DAPK2: variants seen among roughly 807,000 people sequenced by gnomAD.
DAPK2 encodes death associated protein kinase 2, also known as death-associated protein kinase 2.
In DAPK2, 35 loss-of-function variants were observed where a neutral mutation model predicts 44.1. The ratio of observed to expected loss-of-function variants is 0.79; its 90% CI spans 0.61 to 1.05. DAPK2 has a LOEUF of 1.05. DAPK2 is among the 50% of genes least tolerant of loss of function. The pLI is 0.00. For synonymous variants in DAPK2, 174 were observed against 182.6 expected, an observed-to-expected ratio of 0.95 and a Z score of 0.38; for missense variants, 453 against 483.2, an observed-to-expected ratio of 0.94 and a Z score of 0.59.
intron 1 of DAPK2, among the ~76,000 whole-genome samples, chr15:63,984,617 T>C (rs1390191659): frequency 6.6e-6 from 1 of 152,182 alleles, no homozygotes; most frequent in Non-Finnish European, 1.5e-5. Context: ...CCAGTGACCA[T>C]CTTGCCCGGG....
chr15:63,949,117 T>C (rs1212459524), intron 3 of DAPK2, among the ~76,000 whole-genome samples: 1 of 152,030 alleles, frequency 6.6e-6, no homozygotes, highest in Non-Finnish European at 1.5e-5. Flanking sequence ...CAGCTCCATG[T>C]TTTTCCCAGA....
chr15:63,920,312 G>A (rs1409081839), intron 8 of DAPK2: 3 of 152,196 alleles, frequency 2.0e-5, no homozygotes, highest in East Asian at 3.9e-4. Flanking sequence ...CTGTTCTCAG[G>A]GAAGGATTTT....
At chr15:63,970,741 G>A (rs1019876060) in intron 3 of DAPK2, among the ~76,000 whole-genome samples, 4 of 152,216 alleles carry the variant, frequency 2.6e-5, no homozygotes, top group Admixed American at 6.5e-5. Context: ...TTAAGTATCT[G>A]TATAGGCTCA....
At chr15:64,016,289 A>T (rs2079524380) in intron 1 of DAPK2, among the ~76,000 whole-genome samples, 2 of 152,222 alleles carry the variant, frequency 1.3e-5, no homozygotes. Context: ...AGTAACTGGC[A>T]CTATCCTTCT....
At chr15:63,973,236 C>T (rs1463966590) in intron 2 of DAPK2, among the ~76,000 whole-genome samples, 1 of 152,204 alleles carries the variant, frequency 6.6e-6, no homozygotes, top group Admixed American at 6.5e-5. Flanking sequence ...GGGTGTGTGG[C>T]TGCTTTCACC....
chr15:63,927,847 C>T (rs12907405), intron 6 of DAPK2, among the ~76,000 whole-genome samples: 66,443 of 151,742 alleles, frequency 0.44, 16,859 homozygotes, highest in East Asian at 0.93. Context: ...GATCCTCCAG[C>T]GATCCTCCTG....
intron 1 of DAPK2, among the ~76,000 whole-genome samples, chr15:64,006,709 G>A (rs368466271): frequency 5.9e-5 from 9 of 152,136 alleles, no homozygotes; most frequent in East Asian, 1.9e-4. Context: ...CTATTCTCCC[G>A]GGCAGTGACA....
chr15:63,990,834 A>T lies in DAPK2; in HGVS notation c.93-7080T>A, dbSNP rs905315247. On this transcript the variant is annotated intron_variant, in intron 1 of 10. Coordinates refer to ENST00000261891, the Ensembl canonical transcript of DAPK2. The surrounding 1 kb of genome is among the most constrained non-coding windows in gnomAD (Gnocchi z 4.3). ...GCCAATGTGTCTCAAAGGCAGGAGC[A>T]GCTCAAAGCTGTAGTCCACAAGAAC... is the stretch of plus-strand genomic sequence containing the variant. 1.1e-4 allele frequency among the ~76,000 whole-genome samples: 17 copies of T among 152,220 alleles called. No individual in the cohort carries two copies. The highest frequency in any genetic ancestry group is 3.9e-4 in the African/African-American group (16 of 41,448).
In DAPK2 at chr15:63,982,962, C is replaced by T. The variant is rs147975474; in HGVS notation, c.314+571G>A. Among the ~76,000 whole-genome samples, 836 of 152,328 alleles carry T rather than the reference C, an allele frequency of 5.5e-3. 10 individuals are homozygous for T. The highest frequency in any genetic ancestry group is 0.019 in the African/African-American group (784 of 41,564). On this transcript the variant is annotated intron_variant, in intron 2 of 10. Coordinates refer to ENST00000261891, the Ensembl canonical transcript of DAPK2. ...CACAGTCTTTAAAGATTGAACAAGA[C>T]GACAGATAGAAAGCGCCTAGCAAAT...
intron 1 of DAPK2, among the ~76,000 whole-genome samples, chr15:64,012,233 C>T (rs553290664): frequency 5.4e-4 from 82 of 152,304 alleles, no homozygotes; most frequent in African/African-American, 1.8e-3. Flanking sequence ...GACCATACTG[C>T]GGGATGGGAG....
chr15:64,015,644 G>C (rs944333551), intron 1 of DAPK2, among the ~76,000 whole-genome samples: 3 of 152,204 alleles, frequency 2.0e-5, no homozygotes, highest in African/African-American at 7.2e-5. Flanking sequence ...GATCATTCTG[G>C]ATTACCTGAG....
chr15:63,987,041 T>C (rs1338213290), intron 1 of DAPK2, among the ~76,000 whole-genome samples: 1 of 152,240 alleles, frequency 6.6e-6, no homozygotes, highest in Non-Finnish European at 1.5e-5. Context: ...AGCATGATTT[T>C]TGCTTGAGGG....
chr15:63,976,335 G>A (rs1380932034), intron 2 of DAPK2, among the ~76,000 whole-genome samples: 1 of 152,178 alleles, frequency 6.6e-6, no homozygotes, highest in African/African-American at 2.4e-5. Flanking sequence ...TTTAAAAACT[G>A]AAGTGGTATA....
chr15:64,015,087 C>T (rs975038866), intron 1 of DAPK2, among the ~76,000 whole-genome samples: 2 of 151,994 alleles, frequency 1.3e-5, no homozygotes, highest in Non-Finnish European at 2.9e-5. Flanking sequence ...GAGAGAAGAA[C>T]AGATTCTGCA....
chr15:64,029,789 C>T (rs1164469041), intron 1 of DAPK2: 2 of 152,340 alleles, frequency 1.3e-5, no homozygotes, highest in Non-Finnish European at 2.9e-5. Flanking sequence ...ACCCACTTAC[C>T]TTTTAGAAAC....
intron 4 of DAPK2, chr15:63,935,759 TCTATGA>T: frequency 6.6e-6 from 1 of 152,318 alleles, no homozygotes; most frequent in Admixed American, 6.5e-5. Flanking sequence ...TCCAAAGAGA[TCTATGA>T]TAAGTTTTCT....
At position 64,013,167 on chromosome 15, in the gene DAPK2, G is replaced by A. The variant is rs1002328966; in HGVS notation, c.92+27003C>T. Among the ~76,000 whole-genome samples, 1 of 152,208 alleles carries A rather than the reference G, an allele frequency of 6.6e-6. No individual in the cohort carries two copies. The highest frequency in any genetic ancestry group is 2.4e-5 in the African/African-American group (1 of 41,450). ...TTAAAGAGCCGACTCATTTCACGGT[G>A]CATGTGCACAAAGCAGTCACAATAA... On this transcript the variant is annotated intron_variant, in intron 1 of 10. Coordinates refer to ENST00000261891, the Ensembl canonical transcript of DAPK2. The surrounding 1 kb of genome is among the most constrained non-coding windows in gnomAD (Gnocchi z 4.7).
At chr15:63,918,491 C>G (rs1385299476) in intron 8 of DAPK2, 2 of 152,414 alleles carry the variant, frequency 1.3e-5, no homozygotes, top group Non-Finnish European at 2.9e-5. Flanking sequence ...CATACACTCA[C>G]TTTCCCCTCC....
At chr15:63,969,794 G>T (rs1339332969) in intron 3 of DAPK2, among the ~76,000 whole-genome samples, 1 of 152,086 alleles carries the variant, frequency 6.6e-6, no homozygotes, top group Non-Finnish European at 1.5e-5. Context: ...CATGCTAAGG[G>T]GACTCATAGA....
Sources: gnomAD v4.1 joint callset for allele counts (sites outside exome capture counted in the v4.1 genomes callset) on GRCh38, gnomAD v4.1.1 for gene constraint, Gnocchi (gnomAD v3.1) non-coding constraint, MANE v1.5 for transcripts, NCBI Gene and HGNC (gene_info 2026-07-23, HGNC 2026-07-21) for gene names.